The following GSPT2 variants were observed in gnomAD, a reference collection of about 807,000 sequenced individuals.
The protein encoded by GSPT2 is eukaryotic peptide chain release factor GTP-binding subunit ERF3B.
In GSPT2, 2 loss-of-function variants were observed where a neutral mutation model predicts 24.6. The observed-to-expected ratio is 0.08, with a 90% confidence interval of 0.03 to 0.26. GSPT2 has a LOEUF of 0.26. Ranked by LOEUF, GSPT2 falls within the 10% of genes least tolerant of loss-of-function variation. GSPT2 has a pLI of 1.00. For missense variants in GSPT2, 322 were observed against 489.6 expected (o/e 0.66, Z 3.23); for synonymous variants, 194 against 189.3 (o/e 1.02, Z -0.20).
chrX:51,744,223 T>C lies in GSPT2; in HGVS notation c.597T>C (p.Pro199=). 7 of 1,209,071 alleles carry C rather than the reference T, an allele frequency of 5.8e-6. No homozygotes were observed. The highest frequency in any genetic ancestry group is 3.5e-5 in the African/African-American group (2 of 57,670). ...SKSVIVPSGA[P]KKEHVNVVFI... Reference sequence around the variant, plus strand: ...CTGTGATCGTACCCTCAGGTGCACCTAAGAAAGAACACGTAAATGTAGTAT... The same window carrying C: ...CTGTGATCGTACCCTCAGGTGCACCCAAGAAAGAACACGTAAATGTAGTAT... The change falls in exon 1 of 1, where the codon CCT becomes CCC. Residue 199 remains proline, a synonymous_variant. Coordinates refer to ENST00000340438, the MANE Select transcript of GSPT2 (RefSeq NM_018094.5).
Position 51,745,011 on chromosome X carries a change from T to C in GSPT2, c.1385T>C (p.Val462Ala). ...SGSIFKGQQLVMMPNKHNVEV... is the reference protein window; with the variant it reads ...SGSIFKGQQLAMMPNKHNVEV... ...TCCATTTTTAAAGGCCAGCAGCTCG[T>C]GATGATGCCAAACAAGCACAATGTA... The change falls in exon 1 of 1, where the codon GTG (valine) becomes GCG (alanine). Residue 462 changes from valine to alanine, a missense_variant. Physicochemically the swap from Val to Ala is moderately conservative, Grantham distance 64. Coordinates refer to ENST00000340438, the MANE Select transcript of GSPT2 (RefSeq NM_018094.5). 1 of 1,208,674 alleles carries C rather than the reference T, an allele frequency of 8.3e-7. No homozygotes were observed. The highest frequency in any genetic ancestry group is 1.1e-6 in the Non-Finnish European group (1 of 892,761).
rs1557348996 is a variant in GSPT2, at chrX:51,745,289, A to G, written c.1663A>G (p.Thr555Ala). 1 of 1,206,979 alleles carries G rather than the reference A, an allele frequency of 8.3e-7. No individual in the cohort carries two copies. The highest frequency in any genetic ancestry group is 1.1e-6 in the Non-Finnish European group (1 of 891,146). The change falls in exon 1 of 1, where the codon ACA (threonine) becomes GCA (alanine). Residue 555 changes from threonine (T) to alanine (A), a missense_variant. By Grantham distance (58) the Thr-to-Ala change is moderately conservative. This residue lies in a region of GSPT2 where 117 missense variants were observed against 204.1 expected (regional missense o/e 0.57). Transcript: ENST00000340438. ...TACTTGTATTGAGGAAGTTGAGATA[A>G]CAGCGTTAATCTCCTTGGTAGACAA... The part of the protein sequence containing the change: ...IHTCIEEVEI[T>A]ALISLVDKKS...
In GSPT2 at chrX:51,744,078, AG is replaced by A; in HGVS notation, c.453del (p.Glu151AspfsTer6). The part of the protein sequence containing the change: ...EVEMALEESW[E>X]HSKEVSEAEP... ...GAAATGGCCCTAGAAGAATCATGGG[AG>A]CACAGTAAAGAAGTAAGTGAAGCCG... On this transcript the variant is annotated frameshift_variant, in exon 1 of 1. Transcript: ENST00000340438. LOFTEE classifies it high-confidence loss of function. 1.7e-6 allele frequency: 2 copies of A among 1,209,420 alleles called. No homozygotes were observed. The highest frequency in any genetic ancestry group is 3.5e-5 in the African/African-American group (2 of 57,732).
In GSPT2 at chrX:51,744,487, T is replaced by C; in HGVS notation, c.861T>C (p.Asp287=). The C allele has an allele frequency of 8.3e-7, 1 of 1,211,574 alleles. No individual in the cohort carries two copies. The highest frequency in any genetic ancestry group is 1.1e-6 in the Non-Finnish European group (1 of 895,391). ...AAAGGAAACATTTCACAATTTTAGA[T>C]GCCCCTGGCCACAAGAGTTTTGTCC... The part of the protein sequence containing the change: ...ETERKHFTIL[D]APGHKSFVPN... Residue 287 remains aspartate (D), a synonymous_variant, in exon 1 of 1, where the codon GAT becomes GAC. Transcript: ENST00000340438.
At position 51,744,314 on chromosome X, in the gene GSPT2, G is replaced by A; in HGVS notation, c.688G>A (p.Val230Ile). ...ACAGATAATGTTTTTGACTGGAATG[G>A]TTGACAAAAGAACACTGGAGAAATA... ...GGQIMFLTGM[V>I]DKRTLEKYER... is the part of the protein sequence containing the mutation. Residue 230 changes from valine to isoleucine, a missense_variant, in exon 1 of 1, where the codon GTT (valine) becomes ATT (isoleucine). Val to Ile is a conservative substitution (Grantham distance 29). This residue lies in a region of GSPT2 where 72 missense variants were observed against 121.5 expected (regional missense o/e 0.59). Transcript: ENST00000340438. 8.3e-7 allele frequency: 1 copy of A among 1,210,488 alleles called. No individual in the cohort carries two copies. Among genetic ancestry groups the A allele is most frequent in the Non-Finnish European group, 1.1e-6 (1 of 894,540 alleles).
Position 51,744,211 on chromosome X carries a change from C to T in GSPT2, c.585C>T (p.Pro195=). 1 of 1,208,162 alleles carries T rather than the reference C, an allele frequency of 8.3e-7. No individual in the cohort carries two copies. The highest frequency in any genetic ancestry group is 1.1e-6 in the Non-Finnish European group (1 of 892,780). Residue 195 remains proline (P), a synonymous_variant, in exon 1 of 1, where the codon CCC becomes CCT. Transcript: ENST00000340438. ...EIRKSKSVIV[P]SGAPKKEHVN... is the part of the protein sequence containing the mutation. ...GAAAATCCAAATCTGTGATCGTACC[C>T]TCAGGTGCACCTAAGAAAGAACACG...
In GSPT2 at chrX:51,743,512, T is replaced by G; in HGVS notation, c.-115T>G. Reference sequence around the variant, plus strand: ...AGCTGCCTCCGCGGTGCAGCTAAGGTTCGTGTCGCTACCCCTTGGCCCTTC... The same window carrying G: ...AGCTGCCTCCGCGGTGCAGCTAAGGGTCGTGTCGCTACCCCTTGGCCCTTC... On this transcript the variant is annotated 5_prime_UTR_variant, in exon 1 of 1. Coordinates refer to ENST00000340438, the MANE Select transcript of GSPT2 (RefSeq NM_018094.5). 1 of 593,448 alleles carries G rather than the reference T, an allele frequency of 1.7e-6. No individual in the cohort carries two copies. The highest frequency in any genetic ancestry group is 2.6e-6 in the Non-Finnish European group (1 of 387,481). 48.9% of individuals were successfully genotyped at this position (593,448 alleles called of 1,213,427 possible). A position where few individuals can be genotyped will look rare whatever the true frequency, so the allele number is the denominator to read the frequency against.
chrX:51,745,280 G>A lies in GSPT2; in HGVS notation c.1654G>A (p.Val552Ile). The change falls in exon 1 of 1, where the codon GTT (valine) becomes ATT (isoleucine). Residue 552 changes from valine (V) to isoleucine (I), a missense_variant. Physicochemically the swap from Val to Ile is conservative, Grantham distance 29 (BLOSUM62 3). This residue lies in a region of GSPT2 where 117 missense variants were observed against 204.1 expected (regional missense o/e 0.57). Transcript: ENST00000340438. ...GCACATTCATACTTGTATTGAGGAA[G>A]TTGAGATAACAGCGTTAATCTCCTT... ...VLHIHTCIEE[V>I]EITALISLVD... 1 of 1,205,105 alleles carries A rather than the reference G, an allele frequency of 8.3e-7. No individual in the cohort carries two copies. The highest frequency in any genetic ancestry group is 1.1e-6 in the Non-Finnish European group (1 of 889,527).
In GSPT2 at chrX:51,745,892, AATG is replaced by A. The variant is rs1923984028; in HGVS notation, c.*382_*384del. The A allele has an allele frequency of 6.7e-6, 1 of 149,750 alleles. No homozygotes were observed. The highest frequency in any genetic ancestry group is 1.4e-5 in the Non-Finnish European group (1 of 71,126). The allele number at this position is 149,750 out of a possible 1,213,427, so 12.3% of individuals were successfully genotyped here. ...GTGTCAGTGTTTGTGTGTGTGTTAA[AATG>A]ATAACTAACATGTGAATAAAATACT... is the stretch of plus-strand genomic sequence containing the variant. On this transcript the variant is annotated 3_prime_UTR_variant, in exon 1 of 1. Transcript: ENST00000340438.
In GSPT2 at chrX:51,743,727, C is replaced by G. The variant is rs782556576; in HGVS notation, c.101C>G (p.Ser34Cys). Residue 34 changes from serine (S) to cysteine (C), a missense_variant, in exon 1 of 1, where the codon TCT becomes TGT. Transcript: ENST00000340438. ...GCCCCGAGCGGGGATGGAGTCTCCTCTGCGGTGGCCGAGGCCCAGCGCGAG... is the reference window on the plus strand; with the variant it reads ...GCCCCGAGCGGGGATGGAGTCTCCTGTGCGGTGGCCGAGGCCCAGCGCGAG... ...GSAPSGDGVSSAVAEAQREPL... is the reference protein window; with the variant it reads ...GSAPSGDGVSCAVAEAQREPL... 1.7e-6 allele frequency: 2 copies of G among 1,209,580 alleles called. No homozygotes were observed. The highest frequency in any genetic ancestry group is 3.0e-5 in the East Asian group (1 of 33,733).
At position 51,743,836 on chromosome X, in the gene GSPT2, G is replaced by C. The variant is rs199905149; in HGVS notation, c.210G>C (p.Pro70=). The C allele has an allele frequency of 6.0e-5, 73 of 1,208,149 alleles. No homozygotes were observed. Among genetic ancestry groups the C allele is most frequent in the Non-Finnish European group, 7.7e-5 (69 of 894,142 alleles). ...VPNVHAAEFV[P]SFLRGPTQPP... ...ACGTACACGCCGCGGAGTTCGTGCC[G>C]TCCTTCCTGCGGGGCCCGACTCAGC... The change falls in exon 1 of 1, where the codon CCG becomes CCC. Residue 70 remains proline (P), a synonymous_variant. Coordinates refer to ENST00000340438, the MANE Select transcript of GSPT2 (RefSeq NM_018094.5).
In GSPT2 at chrX:51,745,278, A is replaced by G; in HGVS notation, c.1652A>G (p.Glu551Gly). The change falls in exon 1 of 1, where the codon GAA (glutamate) becomes GGA (glycine). Residue 551 changes from glutamate (E) to glycine (G), a missense_variant. By Grantham distance (98) the Glu-to-Gly change is moderately conservative (BLOSUM62 -2). Transcript: ENST00000340438. ...AVLHIHTCIE[E>G]VEITALISLV... ...CTGCACATTCATACTTGTATTGAGG[A>G]AGTTGAGATAACAGCGTTAATCTCC... The G allele has an allele frequency of 8.3e-7, 1 of 1,204,244 alleles. No individual in the cohort carries two copies. The highest frequency in any genetic ancestry group is 1.1e-6 in the Non-Finnish European group (1 of 888,754).
rs1382368038 is a variant in GSPT2 at position 51,746,137 on chromosome X, A to C, written c.*624A>C. On this transcript the variant is annotated 3_prime_UTR_variant, in exon 1 of 1. Transcript: ENST00000340438. ...GGAATAATTTTAATTTTGAGAAAAA[A>C]ACGTATGTTAAGGCTCTTCCCAGTG... is the stretch of plus-strand genomic sequence containing the variant. 1 of 123,951 alleles carries C rather than the reference A, an allele frequency of 8.1e-6. No homozygotes were observed. Among genetic ancestry groups the C allele is most frequent in the African/African-American group, 3.2e-5 (1 of 30,959 alleles). 10.2% of individuals were successfully genotyped at this position (123,951 alleles called of 1,213,427 possible).
chrX:51,744,435 A>C lies in GSPT2; in HGVS notation c.809A>C (p.Glu270Ala). 1 of 1,210,951 alleles carries C rather than the reference A, an allele frequency of 8.3e-7. No individual in the cohort carries two copies. The highest frequency in any genetic ancestry group is 1.1e-6 in the Non-Finnish European group (1 of 894,680). The change falls in exon 1 of 1, where the codon GAA (glutamate) becomes GCA (alanine). Residue 270 changes from glutamate to alanine, a missense_variant. By Grantham distance (107) the Glu-to-Ala change is moderately radical. Around this residue, in one of 4 missense-constraint regions of GSPT2, gnomAD observed 72 missense variants for 121.5 expected, o/e 0.59. Coordinates refer to ENST00000340438, the MANE Select transcript of GSPT2 (RefSeq NM_018094.5). ...QEERDKGKTV[E>A]VGRAYFETER... ...GAACGAGACAAGGGTAAAACAGTCGAAGTGGGTCGTGCCTATTTTGAAACA... is the reference window on the plus strand; with the variant it reads ...GAACGAGACAAGGGTAAAACAGTCGCAGTGGGTCGTGCCTATTTTGAAACA...
chrX:51,744,837 T>C lies in GSPT2; in HGVS notation c.1211T>C (p.Phe404Ser), dbSNP rs1482399087. Reference protein sequence around the residue: ...TGANIKEQSDFCPWYTGLPFI... With the variant: ...TGANIKEQSDSCPWYTGLPFI... ...GCAAATATTAAAGAGCAGTCAGATTTCTGCCCTTGGTACACTGGATTACCA... is the reference window on the plus strand; with the variant it reads ...GCAAATATTAAAGAGCAGTCAGATTCCTGCCCTTGGTACACTGGATTACCA... Residue 404 changes from phenylalanine to serine, a missense_variant, in exon 1 of 1, where the codon TTC becomes TCC. This residue lies in a region of GSPT2 where 117 missense variants were observed against 204.1 expected (regional missense o/e 0.57). Coordinates refer to ENST00000340438, the MANE Select transcript of GSPT2 (RefSeq NM_018094.5). 1 of 1,207,058 alleles carries C rather than the reference T, an allele frequency of 8.3e-7. No homozygotes were observed. The highest frequency in any genetic ancestry group is 1.1e-6 in the Non-Finnish European group (1 of 892,620).
At position 51,745,414 on chromosome X, in the gene GSPT2, G is replaced by A. The variant is rs782164680; in HGVS notation, c.1788G>A (p.Thr596=). ...CAGCAGGAACCATCTGCCTCGAGAC[G>A]TTCAAAGATTTTCCTCAGATGGGTC... ...LRTAGTICLE[T]FKDFPQMGRF... The change falls in exon 1 of 1, where the codon ACG becomes ACA. Residue 596 remains threonine, a synonymous_variant. Transcript: ENST00000340438. 2.5e-6 allele frequency: 3 copies of A among 1,206,354 alleles called. No homozygotes were observed. Among genetic ancestry groups the A allele is most frequent in the South Asian group, 3.5e-5 (2 of 56,852 alleles).
Position 51,745,647 on chromosome X carries a change from A to G in GSPT2, c.*134A>G. The stretch of plus-strand genomic sequence containing the variant: ...AAGAGAAATTTCACAGCAAAAATTC[A>G]TGTTTTGTCAGCTTTCTCATGTTGA... On this transcript the variant is annotated 3_prime_UTR_variant, in exon 1 of 1. Coordinates refer to ENST00000340438, the MANE Select transcript of GSPT2 (RefSeq NM_018094.5). 2.1e-6 allele frequency: 1 copy of G among 471,940 alleles called. No individual in the cohort carries two copies. 38.9% of individuals were successfully genotyped at this position (471,940 alleles called of 1,213,427 possible).
At position 51,745,620 on chromosome X, in the gene GSPT2, C is replaced by G; in HGVS notation, c.*107C>G. 1 of 531,628 alleles carries G rather than the reference C, an allele frequency of 1.9e-6. No homozygotes were observed. Among genetic ancestry groups the G allele is most frequent in the Non-Finnish European group, 3.1e-6 (1 of 319,466 alleles). 43.8% of individuals were successfully genotyped at this position (531,628 alleles called of 1,213,427 possible). A position where few individuals can be genotyped will look rare whatever the true frequency, so the allele number is the denominator to read the frequency against. ...TTGATTGACTTTTCTTCATATTTTG[C>G]AAAGAGAAATTTCACAGCAAAAATT... On this transcript the variant is annotated 3_prime_UTR_variant, in exon 1 of 1. Coordinates refer to ENST00000340438, the MANE Select transcript of GSPT2 (RefSeq NM_018094.5).
Position 51,744,521 on chromosome X carries a change from A to G in GSPT2, c.895A>G (p.Ile299Val). ...CCACAAGAGTTTTGTCCCAAATATG[A>G]TTGGTGGTGCTTCTCAAGCTGATTT... The part of the protein sequence containing the change: ...PGHKSFVPNM[I>V]GGASQADLAV... The change falls in exon 1 of 1, where the codon ATT becomes GTT. Residue 299 changes from isoleucine to valine, a missense_variant. Physicochemically the swap from Ile to Val is conservative, Grantham distance 29. Transcript: ENST00000340438. The G allele has an allele frequency of 8.3e-7, 1 of 1,211,130 alleles. No homozygotes were observed.
Sources: gnomAD v4.1 joint callset for allele counts on GRCh38, gnomAD v4.1.1 for gene constraint, gnomAD v4.1.1 regional missense constraint, MANE v1.5 for transcripts, NCBI Gene and HGNC (gene_info 2026-07-23, HGNC 2026-07-21) for gene names.